The following PPP2R5C variants were observed in gnomAD, a reference collection of about 807,000 sequenced individuals.
PPP2R5C encodes the protein protein phosphatase 2 regulatory subunit B'gamma, also known as serine/threonine-protein phosphatase 2A 56 kDa regulatory subunit gamma isoform.
PPP2R5C carries 7 observed loss-of-function variants against 68.9 expected under a neutral mutation model. The observed-to-expected ratio is 0.10, with a 90% CI of 0.06 to 0.19. The LOEUF is 0.19. Among genes scored for constraint, PPP2R5C ranks in the 10% least tolerant of loss-of-function variants. The pLI is 1.00. For missense variants in PPP2R5C, 348 were observed against 641.3 expected (o/e 0.54, Z 4.94); for synonymous variants, 210 against 222.2 (o/e 0.95, Z 0.49).
Position 101,888,259 on chromosome 14 carries a change from G to A in PPP2R5C, c.630-1978G>A, listed in dbSNP as rs1726713696. Among the ~76,000 whole-genome samples, 1 of 152,018 alleles carries A rather than the reference G, an allele frequency of 6.6e-6. No homozygotes were observed. Among genetic ancestry groups the A allele is most frequent in the Non-Finnish European group, 1.5e-5 (1 of 68,020 alleles). Reference sequence around the variant, plus strand: ...TAAACTGAAGCCACACGGCTGCCGTGTATGCAAAGGGAGCCTGCAGGGTGA... The same window carrying A: ...TAAACTGAAGCCACACGGCTGCCGTATATGCAAAGGGAGCCTGCAGGGTGA... On this transcript the variant is annotated intron_variant, in intron 5 of 13. Transcript: ENST00000334743. This position sits in a 1 kb window ranked among gnomAD's most constrained non-coding sequence, Gnocchi z 5.6.
chr14:101,766,890 T>G (rs2036887525), intron 2 of PPP2R5C: 1 of 152,246 alleles, frequency 6.6e-6, no homozygotes, highest in Admixed American at 6.5e-5. Flanking sequence ...GCTCTGAGTT[T>G]CCTCAAGTCC....
At chr14:101,894,533 A>G (rs1222984488) in exon 8 of PPP2R5C, 1 of 1,614,076 alleles carries the variant, frequency 6.2e-7, no homozygotes, top group East Asian at 2.2e-5. Flanking sequence ...TGCAGTTTTT[A>G]GAAAAGGACA....
intron 2 of PPP2R5C, among the ~76,000 whole-genome samples, chr14:101,773,856 G>A (rs1435587515): frequency 6.6e-6 from 1 of 152,222 alleles, no homozygotes; most frequent in Non-Finnish European, 1.5e-5. Context: ...ACCATGCTCA[G>A]CTGATATTTG....
intron 2 of PPP2R5C, among the ~76,000 whole-genome samples, chr14:101,875,844 AAGGTTCCT>A (rs2043735490): frequency 1.3e-5 from 2 of 152,276 alleles, no homozygotes; most frequent in Non-Finnish European, 2.9e-5. Flanking sequence ...TTCCACATCA[AAGGTTCCT>A]CCGTTTTTTC....
At chr14:101,779,045 C>T (rs1351800436) in intron 2 of PPP2R5C, among the ~76,000 whole-genome samples, 1 of 152,102 alleles carries the variant, frequency 6.6e-6, no homozygotes, top group Non-Finnish European at 1.5e-5. Flanking sequence ...GAGTGACAGA[C>T]AGACCCTGTC....
At chr14:101,869,717 C>T (rs901417269) in intron 2 of PPP2R5C, among the ~76,000 whole-genome samples, 14 of 152,142 alleles carry the variant, frequency 9.2e-5, no homozygotes, top group Non-Finnish European at 1.9e-4. Context: ...TGCAGTGGCT[C>T]AATCATGGCT....
At chr14:101,919,179 C>A (rs1379917025) in intron 13 of PPP2R5C, among the ~76,000 whole-genome samples, 1 of 152,376 alleles carries the variant, frequency 6.6e-6, no homozygotes, top group African/African-American at 2.4e-5. Context: ...CACCAAGTCC[C>A]CACGGCAGCC....
chr14:101,813,676 C>T (rs549939134), intron 1 of PPP2R5C, among the ~76,000 whole-genome samples: 26 of 152,204 alleles, frequency 1.7e-4, no homozygotes, highest in Non-Finnish European at 3.5e-4. Context: ...GAGCCTTTTC[C>T]AGCTGGCCCT....
intron 1 of PPP2R5C, among the ~76,000 whole-genome samples, chr14:101,812,114 G>A (rs896331145): frequency 3.9e-5 from 6 of 152,280 alleles, no homozygotes; most frequent in East Asian, 1.9e-4. Context: ...TTTCTGGAGC[G>A]AGCATGTTAA....
Position 101,891,419 on chromosome 14 carries a change from C to T in PPP2R5C, c.689+1123C>T, listed in dbSNP as rs139167677. ...TTCTTTTAGTTTAGACAAACTTGGG[C>T]GGGGTTTCTCCCTCAGTGCAGTGCA... On this transcript the variant is annotated intron_variant, in intron 6 of 13. Transcript: ENST00000334743. This position sits in a 1 kb window ranked among gnomAD's most constrained non-coding sequence, Gnocchi z 4.9. Among the ~76,000 whole-genome samples the T allele has an allele frequency of 1.2e-3, 183 of 152,130 alleles. 1 individual carries two copies. The highest frequency in any genetic ancestry group is 6.6e-3 in the East Asian group (34 of 5,186).
At chr14:101,846,931 C>T (rs1228650654) in intron 1 of PPP2R5C, among the ~76,000 whole-genome samples, 3 of 152,250 alleles carry the variant, frequency 2.0e-5, no homozygotes, top group Admixed American at 6.5e-5. Context: ...TATCAAAGCA[C>T]CTCTGACTGC....
chr14:101,764,030 G>GTGTGTGTGTGTGCGCGCGC, intron 2 of PPP2R5C, among the ~76,000 whole-genome samples: 1 of 146,256 alleles, frequency 6.8e-6, no homozygotes, highest in African/African-American at 2.5e-5. Context: ...TGTGTGTGTG[G>GTGTGTGTGTGTGCGCGCGC]GCGCGCGCAC....
intron 2 of PPP2R5C, among the ~76,000 whole-genome samples, chr14:101,767,778 C>T (rs764775952): frequency 3.9e-5 from 6 of 152,294 alleles, no homozygotes; most frequent in East Asian, 1.9e-4. Context: ...AGAGGTTCTG[C>T]GGGGAGGATC....
chr14:101,872,847 C>T (rs990413956), intron 2 of PPP2R5C, among the ~76,000 whole-genome samples: 2 of 151,672 alleles, frequency 1.3e-5, no homozygotes, highest in Admixed American at 6.6e-5. Context: ...TGTCCCATGA[C>T]CCTTTCTCTC....
chr14:101,894,693 C>T (rs1453173628), intron 8 of PPP2R5C, 133 bp downstream of exon 10: 2 of 767,540 alleles, frequency 2.6e-6, no homozygotes, highest in East Asian at 2.7e-5. Context: ...TAAACAGGCT[C>T]ATTTCATTCA....
chr14:101,870,502 CGT>C (rs2043335287), intron 2 of PPP2R5C, among the ~76,000 whole-genome samples: 1 of 152,128 alleles, frequency 6.6e-6, no homozygotes, highest in Non-Finnish European at 1.5e-5. Flanking sequence ...TGTCCTGTCG[CGT>C]GTTTGTGTAT....
intron 1 of PPP2R5C, among the ~76,000 whole-genome samples, chr14:101,852,571 C>A (rs1167064220): frequency 1.3e-5 from 2 of 148,300 alleles, no homozygotes; most frequent in South Asian, 4.2e-4. Flanking sequence ...CGGGTTCAAG[C>A]GATTCTCTTG....
intron 2 of PPP2R5C, 144 bp downstream of exon 2, chr14:101,763,114 A>G (rs1340702672): frequency 7.7e-6 from 5 of 651,780 alleles, no homozygotes; most frequent in Non-Finnish European, 1.3e-5. Flanking sequence ...ATAACCCTCA[A>G]TTTTAGTTGT....
intron 2 of PPP2R5C, among the ~76,000 whole-genome samples, chr14:101,869,436 T>C (rs533323762): frequency 5.3e-5 from 8 of 152,304 alleles, no homozygotes; most frequent in Middle Eastern, 3.4e-3. Context: ...TTAACTTGGG[T>C]AAACACATAG....
Sources: allele counts gnomAD v4.1 joint callset (sites outside exome capture counted in the v4.1 genomes callset), GRCh38; gene constraint gnomAD v4.1.1; non-coding constraint Gnocchi (gnomAD v3.1); transcripts MANE v1.5; gene names NCBI Gene and HGNC (gene_info 2026-07-23, HGNC 2026-07-21).